Variants in MRC1 observed in about 807,000 individuals in gnomAD.
MRC1 encodes macrophage mannose receptor 1.
Under a neutral mutation model 102.9 loss-of-function variants are expected in MRC1, and 62 were observed. That is an observed-to-expected ratio of 0.60 (90% CI 0.49 to 0.74). The LOEUF (loss-of-function observed/expected upper bound fraction) is 0.74. Among genes scored for constraint, MRC1 ranks in the 30% least tolerant of loss-of-function variants. The probability of loss-of-function intolerance (pLI) is 0.00; values close to 1 mark genes in which losing one functional copy is unlikely to be tolerated. For synonymous variants in MRC1, 457 were observed against 298.4 expected, an observed-to-expected ratio of 1.53 and a Z score of -5.48; for missense variants, 1,237 against 862.8, an observed-to-expected ratio of 1.43 and a Z score of -5.43.
At chr10:17,907,860 C>T (rs1554843985) in intron 28 of MRC1, among the ~76,000 whole-genome samples, 162 bp downstream of exon 28, 1 of 152,200 alleles carries the variant, frequency 6.6e-6, no homozygotes, top group Non-Finnish European at 1.5e-5. Flanking sequence ...TTACTGTTTG[C>T]AGCTCTGCGT....
At chr10:17,879,673 T>TA (rs1833486516) in intron 18 of MRC1, 48 bp from the exon 19 acceptor site, 1 of 780,720 alleles carries the variant, frequency 1.3e-6, no homozygotes, top group Non-Finnish European at 2.4e-6. Flanking sequence ...TGTATCCAAT[T>TA]AGTCTAATGA....
At chr10:17,906,792 G>A in intron 26 of MRC1, 94 bp from the exon 27 acceptor site, 1 of 776,554 alleles carries the variant, frequency 1.3e-6, no homozygotes. Flanking sequence ...ATGTTAGGCT[G>A]ATTTTTGTTG....
At chr10:17,870,143 T>G in intron 12 of MRC1, 103 bp from the exon 13 acceptor site, 1 of 704,828 alleles carries the variant, frequency 1.4e-6, no homozygotes, top group Non-Finnish European at 2.6e-6. Context: ...TTACACTGTT[T>G]TGTTTTTCTG....
chr10:17,865,733 A>G (rs1289529976), intron 11 of MRC1, among the ~76,000 whole-genome samples: 2 of 152,226 alleles, frequency 1.3e-5, no homozygotes, highest in African/African-American at 4.8e-5. Context: ...ACTCAGTGCT[A>G]CAAAGAGAAG....
chr10:17,865,982 G>C (rs1258291868), intron 11 of MRC1, among the ~76,000 whole-genome samples: 2 of 152,180 alleles, frequency 1.3e-5, no homozygotes, highest in African/African-American at 4.8e-5. Flanking sequence ...CTGTAAGACA[G>C]AATTATAAAT....
intron 26 of MRC1, among the ~76,000 whole-genome samples, chr10:17,902,773 T>C (rs1833845567): frequency 6.6e-6 from 1 of 152,198 alleles, no homozygotes; most frequent in South Asian, 2.1e-4. Context: ...CTTTTGACTT[T>C]AAATTCTGAG....
chr10:17,831,284 T>A (rs1838568685), intron 3 of MRC1, among the ~76,000 whole-genome samples: 1 of 151,302 alleles, frequency 6.6e-6, no homozygotes, highest in African/African-American at 2.5e-5. Context: ...CCCAAATTAG[T>A]CTTATTTGAA....
intron 4 of MRC1, among the ~76,000 whole-genome samples, chr10:17,837,443 A>G (rs990672116): frequency 1.3e-5 from 2 of 152,208 alleles, no homozygotes; most frequent in East Asian, 1.9e-4. Flanking sequence ...TGATTGAGAT[A>G]TATTGGGGAA....
intron 21 of MRC1, among the ~76,000 whole-genome samples, chr10:17,882,214 AC>A (rs1328104562): frequency 7.9e-5 from 12 of 152,252 alleles, no homozygotes; most frequent in African/African-American, 2.6e-4. Context: ...TTTCGAAATC[AC>A]TGCAAGTGAG....
At chr10:17,812,898 A>G (rs1472794643) in intron 1 of MRC1, among the ~76,000 whole-genome samples, 1 of 152,060 alleles carries the variant, frequency 6.6e-6, no homozygotes, top group Non-Finnish European at 1.5e-5. Flanking sequence ...AGCTGCTGCT[A>G]TTGGTCCCAG....
At chr10:17,872,603 T>C (rs1484282451) in intron 15 of MRC1, among the ~76,000 whole-genome samples, 1 of 152,200 alleles carries the variant, frequency 6.6e-6, no homozygotes, top group Non-Finnish European at 1.5e-5. Flanking sequence ...CTGATGCTAT[T>C]AGCCCCACCA....
chr10:17,821,567 G>A (rs961720953), intron 1 of MRC1, among the ~76,000 whole-genome samples: 5 of 152,044 alleles, frequency 3.3e-5, no homozygotes, highest in African/African-American at 4.8e-5. Flanking sequence ...ATAGAGGCAG[G>A]AGATCTGGAA....
At position 17,847,920 on chromosome 10, in the gene MRC1, T is replaced by TTCC. The variant is rs1440992221; in HGVS notation, c.1064-1658_1064-1657insCCT. ...GTACTAAGCTTGCTTTCTTTTTCTT[T>TTCC]TTCTTCTTTTTTTTTTTGTAACCAC... is the stretch of plus-strand genomic sequence containing the variant. On this transcript the variant is annotated intron_variant, in intron 6 of 29. Transcript: ENST00000569591. Among the ~76,000 whole-genome samples the TTCC allele has an allele frequency of 4.6e-3, 271 of 59,104 alleles. 2 individuals are homozygous for TTCC. The highest frequency in any genetic ancestry group is 0.016 in the African/African-American group (214 of 13,520). 38.8% of individuals were successfully genotyped at this position (59,104 alleles called of 152,430 possible).
At chr10:17,870,715 C>G in intron 13 of MRC1, 133 bp from the exon 14 acceptor site, 1 of 769,464 alleles carries the variant, frequency 1.3e-6, no homozygotes, top group South Asian at 1.4e-5. Context: ...TTCTATTTAG[C>G]TGTTAAATCT....
chr10:17,834,108 A>G (rs537086565), intron 4 of MRC1, among the ~76,000 whole-genome samples: 1 of 152,346 alleles, frequency 6.6e-6, no homozygotes, highest in South Asian at 2.1e-4. Context: ...AGAGTAAAAG[A>G]TGCCACAATC....
chr10:17,816,203 T>C (rs1838309715), intron 1 of MRC1, among the ~76,000 whole-genome samples: 1 of 152,236 alleles, frequency 6.6e-6, no homozygotes, highest in South Asian at 2.1e-4. Flanking sequence ...ATTTGGGGTC[T>C]TTGGGGAAAA....
At chr10:17,882,889 G>A (rs2130694139) in intron 21 of MRC1, among the ~76,000 whole-genome samples, 1 of 152,270 alleles carries the variant, frequency 6.6e-6, no homozygotes, top group East Asian at 1.9e-4. Flanking sequence ...CTGATTCCTG[G>A]CATAGTGAAA....
rs1833183121 is a variant in MRC1 at position 17,861,485 on chromosome 10, A to G, written c.1617A>G (p.Leu539=). ...NQTCNNENAY[L]TTIEDRYEQA... The stretch of plus-strand genomic sequence containing the variant: ...CCTGTAATAATGAGAATGCTTATTT[A>G]ACAACTATTGAAGACAGGTATGTAA... Residue 539 remains leucine (L), a synonymous_variant, in exon 10 of 30, where the codon TTA becomes TTG. Coordinates refer to ENST00000569591, the MANE Select transcript of MRC1 (RefSeq NM_002438.4). 9.2e-6 allele frequency: 8 copies of G among 871,474 alleles called. No homozygotes were observed. In the South Asian group the frequency reaches 1.0e-4, roughly 11 times the overall value. The allele number at this position is 871,474 out of a possible 1,614,324, so 54.0% of individuals were successfully genotyped here. A position where few individuals can be genotyped will look rare whatever the true frequency, so the allele number is the denominator to read the frequency against.
At chr10:17,827,823 ACGACCT>A in intron 3 of MRC1, 108 bp downstream of exon 3, 1 of 745,658 alleles carries the variant, frequency 1.3e-6, no homozygotes, top group South Asian at 1.5e-5. Context: ...TTTCACATTT[ACGACCT>A]CATTGTACCT....
Sources: gnomAD v4.1 joint callset for allele counts (sites outside exome capture counted in the v4.1 genomes callset) on GRCh38, gnomAD v4.1.1 for gene constraint, MANE v1.5 for transcripts, NCBI Gene and HGNC (gene_info 2026-07-23, HGNC 2026-07-21) for gene names.